The following ADAMTS19 variants were observed in gnomAD, a reference collection of about 807,000 sequenced individuals.
The protein encoded by ADAMTS19 is A disintegrin and metalloproteinase with thrombospondin motifs 19.
A neutral mutation model predicts 153.3 loss-of-function variants in ADAMTS19; 93 were observed. The ratio of observed to expected loss-of-function variants is 0.61; its 90% CI spans 0.51 to 0.72. The LOEUF is 0.72. Ranked by LOEUF, ADAMTS19 falls within the 30% of genes least tolerant of loss-of-function variation. The pLI is 0.00. For synonymous variants in ADAMTS19, 600 were observed against 556.6 expected, an observed-to-expected ratio of 1.08 and a Z score of -1.10; for missense variants, 1,482 against 1,552.1, an observed-to-expected ratio of 0.95 and a Z score of 0.76.
intron 2 of ADAMTS19, among the ~76,000 whole-genome samples, chr5:129,498,798 AT>A (rs10637813): frequency 0.023 from 3,099 of 134,074 alleles, 33 homozygotes; most frequent in Non-Finnish European, 0.027. Context: ...CATTCACTCT[AT>A]TTTTTTTTTT....
At chr5:129,708,082 G>A (rs995101002) in intron 21 of ADAMTS19, among the ~76,000 whole-genome samples, 1 of 152,124 alleles carries the variant, frequency 6.6e-6, no homozygotes, top group Non-Finnish European at 1.5e-5. Flanking sequence ...TATTTTGGGT[G>A]GTTTTGTGTA....
intron 10 of ADAMTS19, among the ~76,000 whole-genome samples, chr5:129,634,876 A>G (rs1341661855): frequency 6.7e-6 from 1 of 148,864 alleles, no homozygotes; most frequent in Non-Finnish European, 1.5e-5. Context: ...AGCAATTGCA[A>G]CAAAAGCAAA....
intron 8 of ADAMTS19, among the ~76,000 whole-genome samples, chr5:129,603,881 G>A (rs1266914841): frequency 2.0e-5 from 3 of 152,206 alleles, no homozygotes; most frequent in Non-Finnish European, 4.4e-5. Flanking sequence ...ATTAATTACA[G>A]TGCTCTGTGA....
intron 2 of ADAMTS19, among the ~76,000 whole-genome samples, chr5:129,464,504 C>T (rs1385074569): frequency 6.6e-6 from 1 of 152,104 alleles, no homozygotes. Flanking sequence ...TAAGCTTTGC[C>T]TACTGGTACC....
intron 3 of ADAMTS19, among the ~76,000 whole-genome samples, chr5:129,517,469 G>A (rs965119547): frequency 6.6e-6 from 1 of 151,848 alleles, no homozygotes; most frequent in African/African-American, 2.4e-5. Flanking sequence ...GTGCTCCAGT[G>A]TTGGTTGCAT....
intron 3 of ADAMTS19, among the ~76,000 whole-genome samples, chr5:129,523,103 A>T (rs190934575): frequency 1.3e-5 from 2 of 152,084 alleles, no homozygotes; most frequent in African/African-American, 4.8e-5. Context: ...TTCTGTAAAA[A>T]TGAAAATATG....
At chr5:129,525,277 T>C (rs1488348248) in intron 3 of ADAMTS19, among the ~76,000 whole-genome samples, 1 of 152,132 alleles carries the variant, frequency 6.6e-6, no homozygotes, top group African/African-American at 2.4e-5. Context: ...ATGCATATGA[T>C]GCTTCTATTT....
chr5:129,460,516 C>T, intron 1 of ADAMTS19, 34 bp downstream of exon 1: 1 of 1,613,178 alleles, frequency 6.2e-7, no homozygotes, highest in African/African-American at 1.3e-5. Flanking sequence ...GCTTCCTTTC[C>T]AGCCATCCCA....
chr5:129,486,742 A>G (rs1304722302), intron 2 of ADAMTS19, among the ~76,000 whole-genome samples: 5 of 152,138 alleles, frequency 3.3e-5, no homozygotes, highest in Non-Finnish European at 5.9e-5. Context: ...CACAACAATA[A>G]GCAAAATAAA....
At chr5:129,464,565 GT>G (rs558526250) in intron 2 of ADAMTS19, among the ~76,000 whole-genome samples, 152 of 152,250 alleles carry the variant, frequency 1.0e-3, no homozygotes, top group South Asian at 2.1e-3. Context: ...GGATCCAAAA[GT>G]CTGTACCAAA....
chr5:129,705,408 G>A (rs1293680446), intron 21 of ADAMTS19, among the ~76,000 whole-genome samples: 4 of 152,126 alleles, frequency 2.6e-5, no homozygotes, highest in Non-Finnish European at 5.9e-5. Context: ...AGCAATCCAT[G>A]GCATTTGAAA....
intron 9 of ADAMTS19, 50 bp from the exon 10 acceptor site, chr5:129,622,148 C>T: frequency 1.9e-6 from 3 of 1,595,796 alleles, no homozygotes; most frequent in Non-Finnish European, 2.6e-6. Flanking sequence ...CCAATCATAT[C>T]AGCTTTTTAC....
intron 3 of ADAMTS19, among the ~76,000 whole-genome samples, chr5:129,523,167 A>C (rs1751886768): frequency 6.6e-6 from 1 of 152,134 alleles, no homozygotes; most frequent in Admixed American, 6.6e-5. Context: ...ATAGAATAGA[A>C]GAGAATAATA....
intron 11 of ADAMTS19, among the ~76,000 whole-genome samples, chr5:129,642,177 GTTATT>G (rs1752820971): frequency 6.6e-6 from 1 of 150,966 alleles, no homozygotes; most frequent in East Asian, 1.9e-4. Context: ...TATTTTATTT[GTTATT>G]TTATTTGTTG....
chr5:129,533,690 G>A (rs973525686), intron 6 of ADAMTS19, among the ~76,000 whole-genome samples: 1 of 151,902 alleles, frequency 6.6e-6, no homozygotes, highest in Non-Finnish European at 1.5e-5. Flanking sequence ...TGATGTTAGG[G>A]TGTCAATTTT....
chr5:129,662,878 ATTC>A (rs1353566592), intron 15 of ADAMTS19, among the ~76,000 whole-genome samples: 4 of 139,688 alleles, frequency 2.9e-5, no homozygotes, highest in African/African-American at 5.5e-5. Flanking sequence ...CCTTCTCATG[ATTC>A]TTCTTCATTT....
chr5:129,541,235 C>T (rs184174243), intron 6 of ADAMTS19, among the ~76,000 whole-genome samples: 12 of 150,214 alleles, frequency 8.0e-5, no homozygotes, highest in Non-Finnish European at 1.6e-4. Context: ...AAATTGGCTA[C>T]GTGGTGGACT....
intron 16 of ADAMTS19, among the ~76,000 whole-genome samples, chr5:129,677,345 G>A (rs1350718092): frequency 6.6e-6 from 1 of 152,046 alleles, no homozygotes; most frequent in Admixed American, 6.6e-5. Context: ...GGATGGTGGT[G>A]GCAGCCTGTA....
rs1239750501 is a variant in ADAMTS19, at chr5:129,659,675, T to C, written c.2425+938T>C. Among the ~76,000 whole-genome samples the C allele has an allele frequency of 2.6e-5, 4 of 152,194 alleles. No homozygotes were observed. The Middle Eastern group carries it at 0.01, about 388-fold the overall frequency. ...GGCTCACTGCAGCCTTAACCTCCCATGCTCAAACAATCCCCCCAACTCAGT... is the reference window on the plus strand; with the variant it reads ...GGCTCACTGCAGCCTTAACCTCCCACGCTCAAACAATCCCCCCAACTCAGT... On this transcript the variant is annotated intron_variant, in intron 15 of 22. Coordinates refer to ENST00000274487, the MANE Select transcript of ADAMTS19 (RefSeq NM_133638.6).
Sources: allele counts gnomAD v4.1 joint callset (sites outside exome capture counted in the v4.1 genomes callset), GRCh38; gene constraint gnomAD v4.1.1; transcripts MANE v1.5; gene names NCBI Gene and HGNC (gene_info 2026-07-23, HGNC 2026-07-21).